The following RTN1 variants were observed in gnomAD, a reference collection of about 807,000 sequenced individuals.
RTN1 encodes reticulon-1.
Under a neutral mutation model 65.5 loss-of-function variants are expected in RTN1, and 25 were observed. The ratio of observed to expected loss-of-function variants is 0.38; its 90% CI spans 0.28 to 0.53. The LOEUF is 0.53. Ranked by LOEUF, RTN1 falls within the 20% of genes least tolerant of loss-of-function variation. The pLI is 0.79. For synonymous variants in RTN1, 471 were observed against 447.6 expected (o/e 1.05, Z -0.66); for missense variants, 983 against 1,025.4 (o/e 0.96, Z 0.57).
At chr14:59,705,890 G>C (rs1375278073) in intron 3 of RTN1, among the ~76,000 whole-genome samples, 1 of 152,182 alleles carries the variant, frequency 6.6e-6, no homozygotes, top group Non-Finnish European at 1.5e-5. Context: ...AAAGGAGGCT[G>C]AAAGGCCTCA....
chr14:59,825,834 G>A lies in RTN1; in HGVS notation c.241+44556C>T, dbSNP rs1887021733. The stretch of plus-strand genomic sequence containing the variant: ...ACCCAAGGTCTCAAAGTTACTTAGT[G>A]ACTGAACTCAGACCAGGAGCCTATA... On this transcript the variant is annotated intron_variant, in intron 1 of 8. Coordinates refer to ENST00000267484, the MANE Select transcript of RTN1 (RefSeq NM_021136.3). This position sits in a 1 kb window ranked among gnomAD's most constrained non-coding sequence, Gnocchi z 4.2. Among the ~76,000 whole-genome samples the A allele has an allele frequency of 6.6e-6, 1 of 152,190 alleles. No homozygotes were observed. Among genetic ancestry groups the A allele is most frequent in the Non-Finnish European group, 1.5e-5 (1 of 68,030 alleles).
At position 59,728,249 on chromosome 14, in the gene RTN1, CTTTTT is replaced by C. The variant is rs200434592; in HGVS notation, c.1016-586_1016-582del. ...TTATATTTCCAATAAGAATCAGTAT[CTTTTT>C]TTTTTTTTTTTTTTTTTTTTGCAAC... On this transcript the variant is annotated intron_variant, in intron 2 of 8. Transcript: ENST00000267484. Among the ~76,000 whole-genome samples, 1,089 of 124,042 alleles carry C rather than the reference CTTTTT, an allele frequency of 8.8e-3. 6 individuals carry two copies. Among genetic ancestry groups the C allele is most frequent in the African/African-American group, 0.031 (1,033 of 33,492 alleles). 81.4% of individuals were successfully genotyped at this position (124,042 alleles called of 152,430 possible).
At chr14:59,699,283 AAAAATAAAAT>A (rs1177778400) in intron 3 of RTN1, among the ~76,000 whole-genome samples, 1 of 152,076 alleles carries the variant, frequency 6.6e-6, no homozygotes, top group Non-Finnish European at 1.5e-5. Context: ...TAAAAAAATA[AAAAATAAAAT>A]AAAATAAAAA....
intron 1 of RTN1, among the ~76,000 whole-genome samples, chr14:59,861,977 G>T (rs1189794276): frequency 6.6e-6 from 1 of 152,048 alleles, no homozygotes; most frequent in African/African-American, 2.4e-5. Context: ...GAATCTAGGG[G>T]AGCTATTACC....
chr14:59,620,630 CTTATA>C lies in RTN1; in HGVS notation c.1766-13143_1766-13139del, dbSNP rs1289405258. 5.9e-5 allele frequency among the ~76,000 whole-genome samples: 9 copies of C among 152,150 alleles called. No individual in the cohort carries two copies. In the East Asian group the frequency reaches 7.7e-4, roughly 13 times the overall value. On this transcript the variant is annotated intron_variant, in intron 3 of 8. Transcript: ENST00000267484. ...GCTATTAGAAAATTTATATTTGTGG[CTTATA>C]TTATATTTCTATTAAACAGTGCTGG...
chr14:59,603,768 A>G (rs1226386446), intron 6 of RTN1, 84 bp downstream of exon 6: 1 of 1,084,540 alleles, frequency 9.2e-7, no homozygotes, highest in Non-Finnish European at 1.4e-6. Context: ...AATCTCTTTA[A>G]ACAAACAAAA....
intron 3 of RTN1, among the ~76,000 whole-genome samples, chr14:59,669,391 TGGGAA>T (rs1883452061): frequency 6.6e-6 from 1 of 151,474 alleles, no homozygotes; most frequent in Non-Finnish European, 1.5e-5. Flanking sequence ...CACTCATAGA[TGGGAA>T]TTGAACAATG....
At chr14:59,779,456 A>C (rs1022934888) in intron 1 of RTN1, among the ~76,000 whole-genome samples, 2 of 152,060 alleles carry the variant, frequency 1.3e-5, no homozygotes, top group Non-Finnish European at 2.9e-5. Context: ...ATGACCACAC[A>C]CAGGTAATGG....
intron 3 of RTN1, among the ~76,000 whole-genome samples, chr14:59,716,335 C>T (rs1884533735): frequency 6.6e-6 from 1 of 152,158 alleles, no homozygotes; most frequent in African/African-American, 2.4e-5. Flanking sequence ...TGTACCTCAA[C>T]CCTTGACTTC....
At chr14:59,806,785 A>T (rs1886647062) in intron 1 of RTN1, among the ~76,000 whole-genome samples, 1 of 152,230 alleles carries the variant, frequency 6.6e-6, no homozygotes, top group African/African-American at 2.4e-5. Flanking sequence ...GTTCCTGCAA[A>T]GGACAGGATC....
rs115018919 is a variant in RTN1, at chr14:59,646,397, T to A, written c.1766-38905A>T. On this transcript the variant is annotated intron_variant, in intron 3 of 8. Transcript: ENST00000267484. ...AACTTGGAAAACATATTTCAGGATA[T>A]CTTCTGTGAAAACTTTCCCAACCTC... Among the ~76,000 whole-genome samples, 1,309 of 152,282 alleles carry A rather than the reference T, an allele frequency of 8.6e-3. 22 individuals are homozygous for A. The highest frequency in any genetic ancestry group is 0.03 in the African/African-American group (1,240 of 41,548).
intron 1 of RTN1, among the ~76,000 whole-genome samples, chr14:59,784,277 A>G (rs1886211436): frequency 6.6e-6 from 1 of 151,654 alleles, no homozygotes. Context: ...CGTCTCTACT[A>G]AAAAAAATAC....
chr14:59,636,024 C>T (rs1882658355), intron 3 of RTN1, among the ~76,000 whole-genome samples: 1 of 151,898 alleles, frequency 6.6e-6, no homozygotes, highest in Non-Finnish European at 1.5e-5. Context: ...CTAACTTGTA[C>T]CAGCTGGAAA....
At chr14:59,750,844 A>C (rs1469340540) in intron 1 of RTN1, among the ~76,000 whole-genome samples, 1 of 145,232 alleles carries the variant, frequency 6.9e-6, no homozygotes, top group African/African-American at 2.6e-5. Context: ...CTCCCAAGTA[A>C]CCGGGACTAC....
intron 3 of RTN1, among the ~76,000 whole-genome samples, chr14:59,692,136 G>A (rs185020184): frequency 2.6e-5 from 4 of 152,154 alleles, no homozygotes; most frequent in South Asian, 4.2e-4. Flanking sequence ...AAAGGAAGTC[G>A]AACTATCTCT....
At chr14:59,747,119 CTT>C (rs1885244938) in intron 1 of RTN1, among the ~76,000 whole-genome samples, 1 of 152,218 alleles carries the variant, frequency 6.6e-6, no homozygotes, top group African/African-American at 2.4e-5. Flanking sequence ...AGTTTTCCCT[CTT>C]GTTTTGTTTT....
intron 1 of RTN1, among the ~76,000 whole-genome samples, chr14:59,815,736 C>T (rs927779343): frequency 1.3e-5 from 2 of 152,154 alleles, no homozygotes; most frequent in Admixed American, 6.5e-5. Context: ...GAACTGATTT[C>T]ACACTCCTCC....
At chr14:59,755,992 A>T (rs1885629695) in intron 1 of RTN1, among the ~76,000 whole-genome samples, 1 of 152,244 alleles carries the variant, frequency 6.6e-6, no homozygotes, top group Admixed American at 6.5e-5. Context: ...AATAAAAATG[A>T]TTCAGCAATT....
In RTN1 at chr14:59,870,556, C is replaced by T. The variant is rs779652873; in HGVS notation, c.75G>A (p.Arg25=). The T allele has an allele frequency of 6.9e-7, 1 of 1,457,628 alleles. No individual in the cohort carries two copies. Among genetic ancestry groups the T allele is most frequent in the South Asian group, 1.3e-5 (1 of 75,168 alleles). The allele number at this position is 1,457,628 out of a possible 1,614,324, so 90.3% of individuals were successfully genotyped here. A position where few individuals can be genotyped will look rare whatever the true frequency, so the allele number is the denominator to read the frequency against. ...TCACCGCTTCGTTCTCCCCCTCCCC[C>T]CGGTGCCTGAGCCACTGGGACCCGG... ...AGPGSQWLRH[R]GEGENEAVTP... is the part of the protein sequence containing the mutation. The change falls in exon 1 of 9, where the codon CGG becomes CGA. Residue 25 remains arginine, a synonymous_variant. Transcript: ENST00000267484. The surrounding 1 kb of genome is among the most constrained non-coding windows in gnomAD (Gnocchi z 5.1).
Sources: gnomAD v4.1 joint callset for allele counts (sites outside exome capture counted in the v4.1 genomes callset) on GRCh38, gnomAD v4.1.1 for gene constraint, Gnocchi (gnomAD v3.1) non-coding constraint, MANE v1.5 for transcripts, NCBI Gene and HGNC (gene_info 2026-07-23, HGNC 2026-07-21) for gene names.